The following TANGO6 variants were observed in gnomAD, a reference collection of about 807,000 sequenced individuals.
TANGO6 encodes the protein transport and golgi organization 6 homolog.
TANGO6 carries 90 observed loss-of-function variants against 114.2 expected under a neutral mutation model. The observed-to-expected ratio is 0.79, with a 90% CI of 0.66 to 0.94. The LOEUF (loss-of-function observed/expected upper bound fraction) is 0.94. Among genes scored for constraint, TANGO6 ranks in the 40% least tolerant of loss-of-function variants. TANGO6 has a pLI of 0.00. For synonymous variants in TANGO6, 477 were observed against 509.8 expected, an observed-to-expected ratio of 0.94 and a Z score of 0.87; for missense variants, 1,274 against 1,315.3, an observed-to-expected ratio of 0.97 and a Z score of 0.49.
chr16:68,862,914 T>TCA, intron 2 of TANGO6, 31 bp from the exon 3 acceptor site: 1 of 1,458,906 alleles, frequency 6.9e-7, no homozygotes, highest in South Asian at 1.2e-5. Flanking sequence ...TGGTTTGAAT[T>TCA]CCACTAAAGC....
intron 16 of TANGO6, among the ~76,000 whole-genome samples, chr16:69,033,465 A>G (rs1010392523): frequency 2.0e-5 from 3 of 152,196 alleles, no homozygotes; most frequent in African/African-American, 7.2e-5. Context: ...GAGTAAATCA[A>G]CAGTGGATAG....
chr16:69,076,779 G>T (rs1960386452), intron 17 of TANGO6, among the ~76,000 whole-genome samples: 1 of 152,148 alleles, frequency 6.6e-6, no homozygotes, highest in Non-Finnish European at 1.5e-5. Flanking sequence ...GGGGCACAGT[G>T]AACTCCAGAT....
intron 16 of TANGO6, among the ~76,000 whole-genome samples, chr16:69,023,711 C>T (rs907716019): frequency 6.6e-6 from 1 of 151,822 alleles, no homozygotes. Context: ...GCCGAGGCAC[C>T]CTGTATTCAG....
At chr16:68,850,884 G>A (rs1182064451) in intron 1 of TANGO6, among the ~76,000 whole-genome samples, 2 of 152,016 alleles carry the variant, frequency 1.3e-5, no homozygotes, top group African/African-American at 4.8e-5. Flanking sequence ...TTCATTTTTA[G>A]GAATTGTTTT....
chr16:69,082,838 G>A lies in TANGO6; in HGVS notation c.3109-647G>A, dbSNP rs144747998. Among the ~76,000 whole-genome samples the A allele has an allele frequency of 3.2e-4, 49 of 152,250 alleles. 1 individual carries two copies. The East Asian group carries it at 7.9e-3, about 25-fold the overall frequency. On this transcript the variant is annotated intron_variant, in intron 17 of 17. Coordinates refer to ENST00000261778, the MANE Select transcript of TANGO6 (RefSeq NM_024562.2). ...TGGGGATCTGGGGAGGAAAATGCTG[G>A]TAATCATTTGCTCTGGGAGCAACCA...
intron 17 of TANGO6, among the ~76,000 whole-genome samples, chr16:69,067,953 A>T (rs559361554): frequency 8.7e-5 from 13 of 149,796 alleles, no homozygotes; most frequent in African/African-American, 2.7e-4. Flanking sequence ...AAAAAAAAAA[A>T]AAAGAAAATA....
chr16:68,854,635 T>TC (rs1322003032), intron 1 of TANGO6, among the ~76,000 whole-genome samples: 1 of 149,200 alleles, frequency 6.7e-6, no homozygotes, highest in Non-Finnish European at 1.5e-5. Context: ...TTTTTTTTTT[T>TC]CCCCATGTGG....
chr16:69,078,022 G>A (rs759265938), intron 17 of TANGO6, among the ~76,000 whole-genome samples: 47 of 152,050 alleles, frequency 3.1e-4, no homozygotes, highest in East Asian at 3.9e-4. Context: ...ACAGAACTCC[G>A]GGAAGGGCAG....
At chr16:68,892,390 A>T (rs1393178492) in intron 7 of TANGO6, among the ~76,000 whole-genome samples, 4 of 152,116 alleles carry the variant, frequency 2.6e-5, no homozygotes, top group African/African-American at 4.8e-5. Flanking sequence ...GGTTGTTGGT[A>T]CCAGTCTGTA....
intron 4 of TANGO6, among the ~76,000 whole-genome samples, chr16:68,871,574 T>C (rs1962268642): frequency 6.6e-6 from 1 of 152,146 alleles, no homozygotes; most frequent in African/African-American, 2.4e-5. Context: ...GCTCTTTTTG[T>C]GTGTGTCTTC....
At position 68,878,102 on chromosome 16, in the gene TANGO6, T is replaced by C; in HGVS notation, c.1132-16T>C. The C allele has an allele frequency of 6.3e-7, 1 of 1,599,694 alleles. No homozygotes were observed. ...TTGCAAAAAACTGGTATTTACTTCT[T>C]GTAGTTTTTTTGTAGGTTCTGGATT... On this transcript the variant is annotated splice_polypyrimidine_tract_variant and intron_variant, in intron 5 of 17. Coordinates refer to ENST00000261778, the MANE Select transcript of TANGO6 (RefSeq NM_024562.2).
intron 7 of TANGO6, among the ~76,000 whole-genome samples, chr16:68,893,936 G>C (rs1035353684): frequency 4.6e-5 from 7 of 152,042 alleles, no homozygotes; most frequent in Non-Finnish European, 7.4e-5. Flanking sequence ...CAACACCCAG[G>C]TGTTGGGGCA....
chr16:68,902,453 TTAGAGTTGCCAC>T lies in TANGO6; in HGVS notation c.1618_1629del (p.Arg540_Thr543del). ...CCCTCTCTCCATTCTCTGTGTCAGTTTAGAGTTGCCACTCAAGGTGGCATTATGATTACCATC... is the reference window on the plus strand; with the variant it reads ...CCCTCTCTCCATTCTCTGTGTCAGTTTCAAGGTGGCATTATGATTACCATC... On this transcript the variant is annotated inframe_deletion, in exon 9 of 18. Transcript: ENST00000261778. The T allele has an allele frequency of 6.2e-7, 1 of 1,613,400 alleles. No individual in the cohort carries two copies. The highest frequency in any genetic ancestry group is 8.5e-7 in the Non-Finnish European group (1 of 1,179,622).
chr16:69,002,973 T>C (rs544357310), intron 15 of TANGO6, among the ~76,000 whole-genome samples: 1 of 151,286 alleles, frequency 6.6e-6, no homozygotes, highest in East Asian at 1.9e-4. Flanking sequence ...ACCCGGGAGG[T>C]AGAGGTTGCA....
chr16:69,001,997 C>T (rs1567556449), intron 15 of TANGO6, among the ~76,000 whole-genome samples: 1 of 151,896 alleles, frequency 6.6e-6, no homozygotes, highest in Non-Finnish European at 1.5e-5. Context: ...TCTGATACCC[C>T]CAAAAGTAAA....
intron 2 of TANGO6, among the ~76,000 whole-genome samples, chr16:68,862,655 A>G (rs1962114478): frequency 6.6e-6 from 1 of 152,210 alleles, no homozygotes; most frequent in Non-Finnish European, 1.5e-5. Context: ...AAAAGACAGA[A>G]GAGGAATGAG....
At chr16:68,901,941 T>C (rs984441697) in intron 8 of TANGO6, among the ~76,000 whole-genome samples, 1 of 152,028 alleles carries the variant, frequency 6.6e-6, no homozygotes, top group African/African-American at 2.4e-5. Context: ...GTTGGTATGC[T>C]GTTTCTTGGT....
intron 17 of TANGO6, among the ~76,000 whole-genome samples, chr16:69,045,792 G>A (rs571491767): frequency 4.5e-4 from 68 of 151,696 alleles, no homozygotes; most frequent in Non-Finnish European, 7.5e-4. Flanking sequence ...TAGGCCGGGC[G>A]TGGTGGCTCA....
intron 17 of TANGO6, among the ~76,000 whole-genome samples, chr16:69,076,088 C>CTTTTTTTTTTTTTTTTTTT (rs34844519): frequency 1.2e-5 from 1 of 85,684 alleles, no homozygotes; most frequent in Non-Finnish European, 2.1e-5. Flanking sequence ...TATTTCATTT[C>CTTTTTTTTTTTTTTTTTTT]TTTTTTTTTT....
Sources: gnomAD v4.1 joint callset for allele counts (sites outside exome capture counted in the v4.1 genomes callset) on GRCh38, gnomAD v4.1.1 for gene constraint, MANE v1.5 for transcripts, NCBI Gene and HGNC (gene_info 2026-07-23, HGNC 2026-07-21) for gene names.